The following MBD2 variants were observed in gnomAD, a reference collection of about 807,000 sequenced individuals.
The protein encoded by MBD2 is methyl-CpG-binding domain protein 2.
MBD2 carries 9 observed loss-of-function variants against 39.3 expected under a neutral mutation model. The observed-to-expected ratio is 0.23, with a 90% CI of 0.14 to 0.40. The LOEUF (loss-of-function observed/expected upper bound fraction) is 0.40, where lower values mean the gene tolerates loss of function less well. MBD2 is among the 10% of genes least tolerant of loss of function. The probability of loss-of-function intolerance (pLI) is 1.00; values close to 1 mark genes in which losing one functional copy is unlikely to be tolerated. For synonymous variants in MBD2, 233 were observed against 211.1 expected (o/e 1.10, Z -0.90); for missense variants, 458 against 532.6 (o/e 0.86, Z 1.38).
chr18:54,157,377 C>A (rs980823055), intron 6 of MBD2, among the ~76,000 whole-genome samples: 3 of 152,006 alleles, frequency 2.0e-5, no homozygotes, highest in African/African-American at 7.3e-5. Flanking sequence ...TCTCCTGCCT[C>A]AGCCTCTCAA....
intron 6 of MBD2, among the ~76,000 whole-genome samples, chr18:54,159,115 T>C (rs573232165): frequency 6.6e-6 from 1 of 152,270 alleles, no homozygotes; most frequent in Admixed American, 6.5e-5. Context: ...GACAGTCACC[T>C]TCTTCTTCTG....
At chr18:54,186,549 AT>A (rs2086287970) in intron 3 of MBD2, among the ~76,000 whole-genome samples, 1 of 152,210 alleles carries the variant, frequency 6.6e-6, no homozygotes, top group African/African-American at 2.4e-5. Context: ...ACAGATCATG[AT>A]TTTTAAAACA....
At chr18:54,196,082 C>T (rs577560597) in intron 2 of MBD2, among the ~76,000 whole-genome samples, 212 of 152,264 alleles carry the variant, frequency 1.4e-3, no homozygotes, top group African/African-American at 4.7e-3. Context: ...TACCACAAAA[C>T]TCATCATTTT....
chr18:54,220,610 A>T (rs1366379411), intron 1 of MBD2, among the ~76,000 whole-genome samples: 1 of 152,208 alleles, frequency 6.6e-6, no homozygotes, highest in Non-Finnish European at 1.5e-5. Context: ...AATCTGTGTG[A>T]ACAATTGGGT....
At chr18:54,160,490 G>A (rs1240453768) in intron 5 of MBD2, among the ~76,000 whole-genome samples, 1 of 151,622 alleles carries the variant, frequency 6.6e-6, no homozygotes, top group East Asian at 1.9e-4. Flanking sequence ...CTTCAAATAA[G>A]AAAGTGAGTT....
chr18:54,205,102 T>C lies in MBD2; in HGVS notation c.598A>G (p.Thr200Ala), dbSNP rs762854856. 1.9e-6 allele frequency: 3 copies of C among 1,614,134 alleles called. No individual in the cohort carries two copies. Among genetic ancestry groups the C allele is most frequent in the Non-Finnish European group, 2.5e-6 (3 of 1,179,998 alleles). ...AAGTCAAAACTGCTGAGATCAACAG[T>C]ATTTCCCAGGTACCTTGCCAACTGA... Reference protein sequence around the residue: ...KPQLARYLGNTVDLSSFDFRT... With the variant: ...KPQLARYLGNAVDLSSFDFRT... Residue 200 changes from threonine to alanine, a missense_variant, in exon 2 of 7, where the codon ACT becomes GCT. By Grantham distance (58) the Thr-to-Ala change is moderately conservative. This residue lies in a region of MBD2 where 189 missense variants were observed against 296.6 expected (regional missense o/e 0.64). Transcript: ENST00000256429.
intron 1 of MBD2, among the ~76,000 whole-genome samples, chr18:54,211,594 C>T (rs1356184039): frequency 6.6e-6 from 1 of 152,100 alleles, no homozygotes; most frequent in African/African-American, 2.4e-5. Context: ...TCTCCCATGT[C>T]TGATCACTTC....
At chr18:54,210,328 T>A (rs1487704950) in intron 1 of MBD2, among the ~76,000 whole-genome samples, 1 of 152,120 alleles carries the variant, frequency 6.6e-6, no homozygotes, top group African/African-American at 2.4e-5. Flanking sequence ...AAACCAGAAA[T>A]ACTCAGATTA....
chr18:54,208,232 C>T (rs1017014219), intron 1 of MBD2, among the ~76,000 whole-genome samples: 1 of 152,158 alleles, frequency 6.6e-6, no homozygotes, highest in African/African-American at 2.4e-5. Flanking sequence ...GTGGCTCATG[C>T]CTGTAATCCC....
At chr18:54,200,286 T>C (rs1408805013) in intron 2 of MBD2, among the ~76,000 whole-genome samples, 25 of 152,246 alleles carry the variant, frequency 1.6e-4, no homozygotes, top group Non-Finnish European at 4.4e-5. Flanking sequence ...TGTAAGCAAT[T>C]TGTAGAATAT....
intron 1 of MBD2, among the ~76,000 whole-genome samples, chr18:54,211,942 G>C (rs143703585): frequency 5.3e-5 from 8 of 151,124 alleles, no homozygotes; most frequent in Admixed American, 4.0e-4. Context: ...TGCAACCTCC[G>C]TCTCCTGCCT....
At chr18:54,215,890 C>T (rs1466585418) in intron 1 of MBD2, among the ~76,000 whole-genome samples, 1 of 152,008 alleles carries the variant, frequency 6.6e-6, no homozygotes, top group African/African-American at 2.4e-5. Context: ...CAACCTCCAC[C>T]TCCCAGGTTC....
At chr18:54,223,250 G>C (rs111585440) in intron 1 of MBD2, among the ~76,000 whole-genome samples, 32 of 152,314 alleles carry the variant, frequency 2.1e-4, no homozygotes, top group Middle Eastern at 6.8e-3. Flanking sequence ...GAAAAACCTT[G>C]AATCATTTAA....
chr18:54,203,427 T>A (rs571497137), intron 2 of MBD2, among the ~76,000 whole-genome samples: 124 of 152,316 alleles, frequency 8.1e-4, no homozygotes, highest in African/African-American at 2.9e-3. Context: ...AGGTCCTAAC[T>A]TTTGCTAACT....
intron 2 of MBD2, among the ~76,000 whole-genome samples, chr18:54,203,442 C>T (rs369568070): frequency 5.3e-5 from 8 of 152,158 alleles, no homozygotes; most frequent in East Asian, 3.8e-4. Flanking sequence ...CTAACTTGGG[C>T]TCCCTCTACT....
chr18:54,211,800 C>T (rs2086509989), intron 1 of MBD2, among the ~76,000 whole-genome samples: 1 of 152,138 alleles, frequency 6.6e-6, no homozygotes, highest in South Asian at 2.1e-4. Context: ...GACTTTTACC[C>T]CATAAGCAAA....
intron 2 of MBD2, among the ~76,000 whole-genome samples, chr18:54,194,557 G>GTATATATATATATATATATATATATA (rs147119140): frequency 1.6e-4 from 24 of 148,772 alleles, no homozygotes; most frequent in African/African-American, 5.7e-4. Flanking sequence ...GTGTGTGTGT[G>GTATATATATATATATATATATATATA]TATATATATA....
Position 54,152,887 on chromosome 18 carries a change from A to G in MBD2, c.*2437T>C, listed in dbSNP as rs1034492620. 7.2e-5 allele frequency: 11 copies of G among 152,246 alleles called. No homozygotes were observed. The East Asian group carries it at 1.9e-3, about 27-fold the overall frequency. The allele number at this position is 152,246 out of a possible 1,614,324, so 9.4% of individuals were successfully genotyped here. On this transcript the variant is annotated 3_prime_UTR_variant, in exon 7 of 7. Transcript: ENST00000256429. ...GCTCAAAGAGATTAAATAACCTGAC[A>G]AGTCACACAAATGGCAAAAATCAGG...
intron 1 of MBD2, among the ~76,000 whole-genome samples, chr18:54,216,777 G>T (rs1473075491): frequency 6.6e-6 from 1 of 152,036 alleles, no homozygotes; most frequent in Non-Finnish European, 1.5e-5. Flanking sequence ...TCTTCAAAAG[G>T]GGATGATGGG....
Sources: allele counts gnomAD v4.1 joint callset (sites outside exome capture counted in the v4.1 genomes callset), GRCh38; gene constraint gnomAD v4.1.1; regional missense constraint gnomAD v4.1.1; transcripts MANE v1.5; gene names NCBI Gene and HGNC (gene_info 2026-07-23, HGNC 2026-07-21).